The following CD79B variants were observed in gnomAD, a reference collection of about 807,000 sequenced individuals.
CD79B encodes B-cell antigen receptor complex-associated protein beta chain.
CD79B carries 7 observed loss-of-function variants against 30.0 expected under a neutral mutation model. That is an observed-to-expected ratio of 0.23 (90% CI 0.13 to 0.44). The LOEUF (loss-of-function observed/expected upper bound fraction) is 0.44. CD79B is among the 20% of genes least tolerant of loss of function. CD79B has a pLI of 1.00. For synonymous variants in CD79B, 118 were observed against 119.2 expected, an observed-to-expected ratio of 0.99 and a Z score of 0.07; for missense variants, 218 against 299.1, an observed-to-expected ratio of 0.73 and a Z score of 2.00.
rs764282923 is a variant in CD79B, at chr17:63,929,214, G to A, written c.*12C>T. On this transcript the variant is annotated 3_prime_UTR_variant, in exon 6 of 6. Coordinates refer to ENST00000006750, the MANE Select transcript of CD79B (RefSeq NM_000626.4). ...AGGGAGCCTGCACCCAGGTCATGGG[G>A]CGACCTGGCTCTCACTCCTGGCCTG... is the stretch of plus-strand genomic sequence containing the variant. The A allele has an allele frequency of 2.5e-6, 4 of 1,572,376 alleles. No individual in the cohort carries two copies. The highest frequency in any genetic ancestry group is 2.6e-6 in the Non-Finnish European group (3 of 1,142,112).
chr17:63,932,047 G>T, intron 1 of CD79B, 148 bp downstream of exon 1: 1 of 770,640 alleles, frequency 1.3e-6, no homozygotes, highest in Non-Finnish European at 2.2e-6. Context: ...GACACCCACA[G>T]ACCCAGGCCC....
intron 3 of CD79B, 68 bp from the exon 4 acceptor site, chr17:63,929,956 C>T: frequency 1.3e-6 from 2 of 1,526,938 alleles, no homozygotes; most frequent in South Asian, 1.1e-5. Flanking sequence ...AAGGGCAGCT[C>T]CCTCAGGTCC....
intron 4 of CD79B, 49 bp downstream of exon 4, chr17:63,929,721 C>T (rs367577524): frequency 9.8e-5 from 131 of 1,338,966 alleles, no homozygotes; most frequent in South Asian, 7.3e-4. Flanking sequence ...CTGGCCTATG[C>T]GGTGGCCTCC....
intron 2 of CD79B, 193 bp downstream of exon 2, chr17:63,931,142 G>A (rs1908096146): frequency 4.5e-6 from 3 of 663,512 alleles, no homozygotes; most frequent in Non-Finnish European, 8.4e-6. Context: ...GAGGGCATGT[G>A]TCTGATGAGG....
chr17:63,931,150 A>G, intron 2 of CD79B, 185 bp downstream of exon 2: 2 of 676,224 alleles, frequency 3.0e-6, no homozygotes, highest in Non-Finnish European at 2.7e-6. Context: ...GTGTCTGATG[A>G]GGATGACAGT....
rs113603346 is a variant in CD79B, at chr17:63,931,857, C to T, written c.67+338G>A. 6.1e-3 allele frequency: 2,789 copies of T among 456,248 alleles called. 60 individuals are homozygous for T. Among genetic ancestry groups the T allele is most frequent in the African/African-American group, 0.05 (2,546 of 50,602 alleles). 28.3% of individuals were successfully genotyped at this position (456,248 alleles called of 1,614,324 possible). On this transcript the variant is annotated intron_variant, in intron 1 of 5. Transcript: ENST00000006750. ...TGCATCTTCCAGGGTCCGGTTGGGACAGCCTCTCCCCTCCCGACCCCCAGG... is the reference window on the plus strand; with the variant it reads ...TGCATCTTCCAGGGTCCGGTTGGGATAGCCTCTCCCCTCCCGACCCCCAGG...
At position 63,930,166 on chromosome 17, in the gene CD79B, C is replaced by T. The variant is rs147236129; in HGVS notation, c.338G>A (p.Arg113Gln). 113 of 1,614,192 alleles carry T rather than the reference C, an allele frequency of 7.0e-5. No homozygotes were observed. Among genetic ancestry groups the T allele is most frequent in the African/African-American group, 3.7e-4 (28 of 75,060 alleles). ...SLATLTIQGI[R>Q]FEDNGIYFCQ... ...GAAGTAGATGCCATTGTCCTCAAAC[C>T]GGATGCCTTGGATGGTGAGGGTGGC... is the stretch of plus-strand genomic sequence containing the variant. Residue 113 changes from arginine (R) to glutamine (Q), a missense_variant, in exon 3 of 6, where the codon CGG becomes CAG. Physicochemically the swap from Arg to Gln is conservative, Grantham distance 43. Coordinates refer to ENST00000006750, the MANE Select transcript of CD79B (RefSeq NM_000626.4).
Position 63,928,817 on chromosome 17 carries a change from C to T in CD79B, c.*409G>A, listed in dbSNP as rs775275084. ...GGCCTCCCTGGGGTGGGAGTGGTTG[C>T]GGGAGAGGAATGATGTTCCTGTGGC... On this transcript the variant is annotated 3_prime_UTR_variant, in exon 6 of 6. Coordinates refer to ENST00000006750, the MANE Select transcript of CD79B (RefSeq NM_000626.4). 4.1e-5 allele frequency: 15 copies of T among 366,404 alleles called. No homozygotes were observed. Among genetic ancestry groups the T allele is most frequent in the South Asian group, 1.4e-4 (4 of 28,354 alleles). 22.7% of individuals were successfully genotyped at this position (366,404 alleles called of 1,614,324 possible).
chr17:63,931,795 C>A (rs1908146350), intron 1 of CD79B: 1 of 356,620 alleles, frequency 2.8e-6, no homozygotes, highest in Non-Finnish European at 5.3e-6. Flanking sequence ...CCCGGAGGAT[C>A]TTTCACCTCC....
chr17:63,931,951 C>G (rs1908157746), intron 1 of CD79B: 1 of 587,126 alleles, frequency 1.7e-6, no homozygotes, highest in African/African-American at 1.8e-5. Context: ...CTCTGGTTTG[C>G]TCCTCATGCC....
chr17:63,930,445 A>G, intron 2 of CD79B, 60 bp from the exon 3 acceptor site: 1 of 1,484,052 alleles, frequency 6.7e-7, no homozygotes, highest in Non-Finnish European at 9.3e-7. Context: ...TGCCAGCCCC[A>G]GCAGCAGGCC....
chr17:63,929,971 G>T, intron 3 of CD79B, 83 bp from the exon 4 acceptor site: 1 of 1,532,542 alleles, frequency 6.5e-7, no homozygotes, highest in East Asian at 2.2e-5. Context: ...AGGTCCCAGT[G>T]GCTCTCCTGA....
intron 2 of CD79B, chr17:63,931,001 T>C (rs80147865): frequency 9.0e-5 from 37 of 413,250 alleles, no homozygotes; most frequent in African/African-American, 7.1e-4. Flanking sequence ...ATAGTGACCC[T>C]GCACTGGAGG....
At position 63,932,056 on chromosome 17, in the gene CD79B, C is replaced by T. The variant is rs1324433936; in HGVS notation, c.67+139G>A. On this transcript the variant is annotated intron_variant, in intron 1 of 5. Coordinates refer to ENST00000006750, the MANE Select transcript of CD79B (RefSeq NM_000626.4). The stretch of plus-strand genomic sequence containing the variant: ...GCAGCTGACACCCACAGACCCAGGC[C>T]CCAGGGCCATGAGAGGGAGACAGGC... 4.9e-6 allele frequency: 4 copies of T among 817,930 alleles called. No individual in the cohort carries two copies. In the African/African-American group the frequency reaches 5.0e-5, roughly 10 times the overall value. The allele number at this position is 817,930 out of a possible 1,614,324, so 50.7% of individuals were successfully genotyped here.
chr17:63,931,010 G>A, intron 2 of CD79B: 1 of 428,640 alleles, frequency 2.3e-6, no homozygotes, highest in Non-Finnish European at 4.4e-6. Flanking sequence ...CTGCACTGGA[G>A]GGCTCACCCG....
chr17:63,929,913 G>A, intron 3 of CD79B, 25 bp from the exon 4 acceptor site: 2 of 1,587,500 alleles, frequency 1.3e-6, no homozygotes, highest in Non-Finnish European at 1.7e-6. Context: ...GTGGGGTTGT[G>A]AGCCTGGGCC....
intron 4 of CD79B, 45 bp downstream of exon 4, chr17:63,929,725 G>A: frequency 7.3e-7 from 1 of 1,375,770 alleles, no homozygotes; most frequent in Non-Finnish European, 1.0e-6. Flanking sequence ...CCTATGCGGT[G>A]GCCTCCTCTG....
At chr17:63,930,866 T>G in intron 2 of CD79B, 1 of 301,176 alleles carries the variant, frequency 3.3e-6, no homozygotes, top group Non-Finnish European at 6.4e-6. Flanking sequence ...CTGCATGACT[T>G]CCCTCTATCA....
At position 63,928,848 on chromosome 17, in the gene CD79B, T is replaced by C. The variant is rs1907937078; in HGVS notation, c.*378A>G. The C allele has an allele frequency of 2.5e-6, 1 of 399,324 alleles. No homozygotes were observed. Among genetic ancestry groups the C allele is most frequent in the African/African-American group, 2.0e-5 (1 of 50,452 alleles). 24.7% of individuals were successfully genotyped at this position (399,324 alleles called of 1,614,324 possible). ...AGGAATGATGTTCCTGTGGCTCTTC[T>C]GGGGCCCAGTTGGGTCCATGGCCCT... On this transcript the variant is annotated 3_prime_UTR_variant, in exon 6 of 6. Coordinates refer to ENST00000006750, the MANE Select transcript of CD79B (RefSeq NM_000626.4).
Sources: allele counts gnomAD v4.1 joint callset, GRCh38; gene constraint gnomAD v4.1.1; transcripts MANE v1.5; gene names NCBI Gene and HGNC (gene_info 2026-07-23, HGNC 2026-07-21).